Variants in CAPNS1 observed in about 807,000 individuals in gnomAD.
The protein encoded by CAPNS1 is CANP small subunit.
In CAPNS1, 32 loss-of-function variants were observed where a neutral mutation model predicts 39.2. That is an observed-to-expected ratio of 0.82 (90% CI 0.62 to 1.10). CAPNS1 has a LOEUF of 1.10. CAPNS1 is among the 50% of genes least tolerant of loss of function. The pLI is 0.00. For missense variants in CAPNS1, 353 were observed against 373.1 expected (o/e 0.95, Z 0.44); for synonymous variants, 153 against 136.2 (o/e 1.12, Z -0.86).
Position 36,142,954 on chromosome 19 carries a change from G to A in CAPNS1, c.379G>A (p.Val127Ile). ...ATELMNILNK[V>I]VTRHPDLKTD... is the part of the protein sequence containing the mutation. ...AGAACTCATGAACATTCTCAATAAG[G>A]TTGTGACACGACGTAAGTGACCGGG... Residue 127 changes from valine (V) to isoleucine (I), a missense_variant, in exon 5 of 11, where the codon GTT becomes ATT. By Grantham distance (29) the Val-to-Ile change is conservative. Coordinates refer to ENST00000246533, the MANE Select transcript of CAPNS1 (RefSeq NM_001749.4). 1 of 1,614,190 alleles carries A rather than the reference G, an allele frequency of 6.2e-7. No homozygotes were observed. The highest frequency in any genetic ancestry group is 1.3e-5 in the African/African-American group (1 of 75,044).
intron 4 of CAPNS1, 55 bp from the exon 5 acceptor site, chr19:36,142,854 A>G: frequency 6.2e-7 from 1 of 1,601,386 alleles, no homozygotes; most frequent in Non-Finnish European, 8.6e-7. Flanking sequence ...ATTCTCCATG[A>G]CATTCTCAGA....
At chr19:36,140,863 C>G in intron 1 of CAPNS1, 134 bp from the exon 2 acceptor site, 1 of 1,409,120 alleles carries the variant, frequency 7.1e-7, no homozygotes. Context: ...CCGCGGACAA[C>G]CCGCCCTCGC....
chr19:36,145,940 A>G, intron 7 of CAPNS1, 36 bp from the exon 8 acceptor site: 1 of 1,613,178 alleles, frequency 6.2e-7, no homozygotes, highest in Non-Finnish European at 8.5e-7. Context: ...TATGCCCCAC[A>G]ATGCTCACTT....
Position 36,141,098 on chromosome 19 carries a change from TGGA to T in CAPNS1, c.90_92del (p.Gly31del), listed in dbSNP as rs770343322. On this transcript the variant is annotated inframe_deletion, in exon 2 of 11. Transcript: ENST00000246533. ...TGGGTGGGGGCCTGGGAAATGTGCT[TGGA>T]GGCCTGATCAGCGGGGCCGGGGGCG... 2.0e-5 allele frequency: 28 copies of T among 1,433,436 alleles called. No homozygotes were observed. The highest frequency in any genetic ancestry group is 5.1e-4 in the Middle Eastern group (2 of 3,960). The allele number at this position is 1,433,436 out of a possible 1,614,324, so 88.8% of individuals were successfully genotyped here.
intron 3 of CAPNS1, 133 bp from the exon 4 acceptor site, chr19:36,142,519 A>G: frequency 1.4e-6 from 1 of 739,564 alleles, no homozygotes; most frequent in Non-Finnish European, 2.4e-6. Context: ...CACCCCATTC[A>G]CTACCACCCC....
At chr19:36,145,129 TCA>T (rs1974516437) in intron 6 of CAPNS1, among the ~76,000 whole-genome samples, 1 of 151,988 alleles carries the variant, frequency 6.6e-6, no homozygotes, top group African/African-American at 2.4e-5. Context: ...CCATGCCTGG[TCA>T]CACACTTGTT....
chr19:36,147,751 C>T lies in CAPNS1; in HGVS notation c.721+1439C>T, dbSNP rs17878980. Among the ~76,000 whole-genome samples, 669 of 147,464 alleles carry T rather than the reference C, an allele frequency of 4.5e-3. 3 individuals are homozygous for T. The highest frequency in any genetic ancestry group is 5.9e-3 in the Non-Finnish European group (393 of 67,142). On this transcript the variant is annotated intron_variant, in intron 9 of 10. Transcript: ENST00000246533. ...CTGCACTCCAGCCTGGGTGACAGAT[C>T]GAGACTCCGTCTTAAAAAAAAAAAA...
At chr19:36,148,397 G>C (rs1331173562) in intron 9 of CAPNS1, 4 of 151,206 alleles carry the variant, frequency 2.6e-5, no homozygotes, top group Non-Finnish European at 5.9e-5. Context: ...CATGCCTGTG[G>C]TCTCAGTTGC....
intron 9 of CAPNS1, among the ~76,000 whole-genome samples, chr19:36,149,294 C>T (rs1055303024): frequency 8.5e-5 from 13 of 152,144 alleles, no homozygotes; most frequent in African/African-American, 2.9e-4. Flanking sequence ...AACTCCTGGG[C>T]GGCTCAAGTG....
In CAPNS1 at chr19:36,145,795, C is replaced by T. The variant is rs760228558; in HGVS notation, c.457-11C>T. ...GTGTAGCTGTCACTCTTCTTAACAC[C>T]CTCCCACCAGAGCGACACCACAGGC... is the stretch of plus-strand genomic sequence containing the variant. On this transcript the variant is annotated splice_polypyrimidine_tract_variant and intron_variant, in intron 6 of 10. Coordinates refer to ENST00000246533, the MANE Select transcript of CAPNS1 (RefSeq NM_001749.4). The T allele has an allele frequency of 6.2e-7, 1 of 1,612,842 alleles. No homozygotes were observed. The highest frequency in any genetic ancestry group is 1.1e-5 in the South Asian group (1 of 91,006).
chr19:36,146,230 C>G lies in CAPNS1; in HGVS notation c.639C>G (p.Ile213Met), dbSNP rs750191955. ...FHLNEHLYNM[I>M]IRRYSDESGN... is the part of the protein sequence containing the mutation. ...TGAATGAGCATCTCTATAACATGAT[C>G]ATCCGACGCTACTCAGATGAAAGTG... The change falls in exon 9 of 11, where the codon ATC becomes ATG. Residue 213 changes from isoleucine (I) to methionine (M), a missense_variant. Physicochemically the swap from Ile to Met is conservative, Grantham distance 10. Transcript: ENST00000246533. 1 of 1,613,796 alleles carries G rather than the reference C, an allele frequency of 6.2e-7. No individual in the cohort carries two copies. The highest frequency in any genetic ancestry group is 1.1e-5 in the South Asian group (1 of 91,020).
chr19:36,148,607 T>C lies in CAPNS1; in HGVS notation c.722-971T>C, dbSNP rs139934354. On this transcript the variant is annotated intron_variant, in intron 9 of 10. Transcript: ENST00000246533. ...GGGCGGATCACCTGATGTCAGGAGTTTGAGACCAGCCTGGCCAACATAGTG... is the reference window on the plus strand; with the variant it reads ...GGGCGGATCACCTGATGTCAGGAGTCTGAGACCAGCCTGGCCAACATAGTG... 5.4e-3 allele frequency among the ~76,000 whole-genome samples: 821 copies of C among 151,614 alleles called. 26 individuals carry two copies. The East Asian group carries it at 0.08, about 15-fold the overall frequency.
chr19:36,143,795 G>A (rs1402143789), intron 6 of CAPNS1, among the ~76,000 whole-genome samples: 1 of 150,876 alleles, frequency 6.6e-6, no homozygotes, highest in African/African-American at 2.4e-5. Context: ...CCCGAGAGGA[G>A]GAGCTTGCAG....
intron 2 of CAPNS1, 47 bp from the exon 3 acceptor site, chr19:36,142,252 TG>T: frequency 7.3e-7 from 1 of 1,365,000 alleles, no homozygotes; most frequent in Non-Finnish European, 1.0e-6. Flanking sequence ...TGCTGCCCGT[TG>T]GAGGCCCCGC....
At chr19:36,146,982 G>A (rs1974590991) in intron 9 of CAPNS1, among the ~76,000 whole-genome samples, 1 of 152,104 alleles carries the variant, frequency 6.6e-6, no homozygotes, top group Non-Finnish European at 1.5e-5. Flanking sequence ...ATACCTGGGA[G>A]TACAGGCACA....
intron 2 of CAPNS1, among the ~76,000 whole-genome samples, chr19:36,141,974 G>T: frequency 6.6e-6 from 1 of 152,124 alleles, no homozygotes; most frequent in South Asian, 2.1e-4. Context: ...GGGGTCTTTT[G>T]ATTCTACGTG....
In CAPNS1 at chr19:36,141,045, G is replaced by A; in HGVS notation, c.34G>A (p.Gly12Ser). ...GGTTAACTCGTTCTTGAAGGGCGGC[G>A]GCGGCGGCGGCGGGGGAGGCGGGGG... The part of the protein sequence containing the change: ...FLVNSFLKGG[G>S]GGGGGGGGLG... Residue 12 changes from glycine to serine, a missense_variant, in exon 2 of 11, where the codon GGC (glycine) becomes AGC (serine). Gly to Ser is a moderately conservative substitution (Grantham distance 56). Transcript: ENST00000246533. 1 of 1,566,136 alleles carries A rather than the reference G, an allele frequency of 6.4e-7. No individual in the cohort carries two copies. The highest frequency in any genetic ancestry group is 1.1e-5 in the South Asian group (1 of 88,106).
chr19:36,141,388 G>A (rs768498207), intron 2 of CAPNS1, 168 bp downstream of exon 2: 103 of 1,341,218 alleles, frequency 7.7e-5, no homozygotes, highest in Middle Eastern at 2.8e-4. Flanking sequence ...GCTGTAAGGG[G>A]GTGGACCCCA....
intron 6 of CAPNS1, among the ~76,000 whole-genome samples, chr19:36,144,312 G>A (rs1313909157): frequency 1.3e-5 from 2 of 152,110 alleles, no homozygotes; most frequent in Admixed American, 6.6e-5. Context: ...CCCGGGAGGC[G>A]GAGGTTGCAG....
Sources: allele counts gnomAD v4.1 joint callset (sites outside exome capture counted in the v4.1 genomes callset), GRCh38; gene constraint gnomAD v4.1.1; transcripts MANE v1.5; gene names NCBI Gene and HGNC (gene_info 2026-07-23, HGNC 2026-07-21).